The following RTN4 variants were observed in gnomAD, a reference collection of about 807,000 sequenced individuals.
RTN4 encodes the protein reticulon 4, also known as reticulon-4.
Under a neutral mutation model 90.4 loss-of-function variants are expected in RTN4, and 32 were observed. That is an observed-to-expected ratio of 0.35 (90% CI 0.27 to 0.48). The LOEUF (loss-of-function observed/expected upper bound fraction) is 0.48, where lower values mean the gene tolerates loss of function less well. Among genes scored for constraint, RTN4 ranks in the 20% least tolerant of loss-of-function variants. The probability of loss-of-function intolerance (pLI) is 0.99; values close to 1 mark genes in which losing one functional copy is unlikely to be tolerated. For missense variants in RTN4, 1,706 were observed against 1,430.2 expected (o/e 1.19, Z -3.11); for synonymous variants, 629 against 552.5 (o/e 1.14, Z -1.94).
Position 55,050,276 on chromosome 2 carries a change from GAGGA to G in RTN4, c.21_24del (p.Pro8TrpfsTer20). On this transcript the variant is annotated frameshift_variant, in exon 1 of 9. Transcript: ENST00000337526. LOFTEE classifies it high-confidence loss of function. The surrounding 1 kb of genome is among the most constrained non-coding windows in gnomAD (Gnocchi z 4.6). The stretch of plus-strand genomic sequence containing the variant: ...GGTGGGCTGTCCGAGGACGAGACCA[GAGGA>G]GACTGGTCCAGGTCTTCCATGGCTG... The G allele has an allele frequency of 6.7e-7, 1 of 1,487,532 alleles. No individual in the cohort carries two copies. Among genetic ancestry groups the G allele is most frequent in the Non-Finnish European group, 8.9e-7 (1 of 1,118,862 alleles). 92.1% of individuals were successfully genotyped at this position (1,487,532 alleles called of 1,614,324 possible).
At chr2:55,120,722 CG>C in the RTN4 span, among the ~76,000 whole-genome samples, 3 of 152,096 alleles carry the variant, frequency 2.0e-5, no homozygotes, top group African/African-American at 7.2e-5. Flanking sequence ...ATTAGAGCAA[CG>C]GGGAAGGAGA....
chr2:55,081,093 G>T (rs1253028885), intron 1 of RTN4, among the ~76,000 whole-genome samples: 2 of 147,612 alleles, frequency 1.4e-5, no homozygotes, highest in East Asian at 2.0e-4. Flanking sequence ...TTCTTATTTT[G>T]AAACAGGAGC....
At chr2:55,009,194 C>A in intron 3 of RTN4, among the ~76,000 whole-genome samples, 1 of 151,924 alleles carries the variant, frequency 6.6e-6, no homozygotes, top group African/African-American at 2.4e-5. Context: ...AATTATAAAA[C>A]TTGAATGTAG....
At chr2:55,049,459 C>A in intron 1 of RTN4, 1 of 472,234 alleles carries the variant, frequency 2.1e-6, no homozygotes, top group Non-Finnish European at 3.9e-6. Flanking sequence ...GGGTGCCTAA[C>A]TTCCGAGAAT....
At chr2:55,029,124 T>A (rs988099252) in intron 1 of RTN4, among the ~76,000 whole-genome samples, 1 of 152,138 alleles carries the variant, frequency 6.6e-6, no homozygotes, top group African/African-American at 2.4e-5. Context: ...CTTGCTGTCA[T>A]GCTCCCTGTC....
intron 2 of RTN4, among the ~76,000 whole-genome samples, chr2:55,072,144 T>C (rs1035821149): frequency 1.8e-4 from 14 of 77,508 alleles, no homozygotes; most frequent in African/African-American, 5.9e-4. Flanking sequence ...GGATTGTTTT[T>C]AGTTATTTTT....
chr2:55,021,721 A>G (rs10181115), intron 3 of RTN4, among the ~76,000 whole-genome samples: 17,887 of 152,184 alleles, frequency 0.12, 1,570 homozygotes, highest in African/African-American at 0.24. Flanking sequence ...CTTTTATAGA[A>G]AAGGAAAATG....
Position 55,025,199 on chromosome 2 carries a change from A to G in RTN4, c.2900T>C (p.Ile967Thr), listed in dbSNP as rs773597274. The change falls in exon 3 of 9, where the codon ATA (isoleucine) becomes ACA (threonine). Residue 967 changes from isoleucine to threonine, a missense_variant. Transcript: ENST00000337526. ...TTTCACAAGAACTTTGGGTTTAACT[A>G]TGCTCTCTATCTCTGCTTGAGTGGC... is the stretch of plus-strand genomic sequence containing the variant. ...ALATQAEIES[I>T]VKPKVLVKEA... 3 of 1,613,732 alleles carry G rather than the reference A, an allele frequency of 1.9e-6. No individual in the cohort carries two copies. Among genetic ancestry groups the G allele is most frequent in the African/African-American group, 2.7e-5 (2 of 74,900 alleles).
At chr2:55,114,101 G>A (rs916275703), upstream of RTN4, among the ~76,000 whole-genome samples, 12 of 152,160 alleles carry the variant, frequency 7.9e-5, no homozygotes, top group African/African-American at 2.9e-4. Flanking sequence ...CAATTTATCG[G>A]AAAATATAGC....
chr2:55,076,389 C>CTT lies in RTN4; in HGVS notation c.-63+4098_-63+4099dup, dbSNP rs58070912. Among the ~76,000 whole-genome samples, 11 of 64,648 alleles carry CTT rather than the reference C, an allele frequency of 1.7e-4. 1 individual carries two copies. The highest frequency in any genetic ancestry group is 8.2e-4 in the South Asian group (1 of 1,226). 42.4% of individuals were successfully genotyped at this position (64,648 alleles called of 152,430 possible). A position where few individuals can be genotyped will look rare whatever the true frequency, so the allele number is the denominator to read the frequency against. ...TGTCCCCACCCAAATTTCTTTTGTT[C>CTT]TTTTTTTTTTTTTTTTTTTTTTTTT... On this transcript the variant is annotated intron_variant, in intron 2 of 3. Transcript: ENST00000427710.
chr2:55,079,040 G>T (rs1171010520), intron 2 of RTN4, among the ~76,000 whole-genome samples: 1 of 152,048 alleles, frequency 6.6e-6, no homozygotes, highest in Non-Finnish European at 1.5e-5. Context: ...GGCCAGGAAG[G>T]CCTGCATTAA....
At chr2:55,107,165 C>T (rs1667957838) in intron 1 of RTN4, among the ~76,000 whole-genome samples, 1 of 151,200 alleles carries the variant, frequency 6.6e-6, no homozygotes, top group Admixed American at 6.6e-5. Flanking sequence ...CCCAGATTCT[C>T]AGATGTTTGT....
chr2:55,019,695 T>C (rs1019932840), intron 3 of RTN4, among the ~76,000 whole-genome samples: 1 of 151,956 alleles, frequency 6.6e-6, no homozygotes, highest in African/African-American at 2.4e-5. Flanking sequence ...AACAAATAAA[T>C]AAAGACTGAA....
chr2:55,016,346 G>A (rs1031007572), intron 3 of RTN4, among the ~76,000 whole-genome samples: 5 of 152,176 alleles, frequency 3.3e-5, no homozygotes. Flanking sequence ...ACTTTGGGAG[G>A]CCAAGGTGGG....
chr2:55,051,102 T>C (rs1208579406), upstream of RTN4, among the ~76,000 whole-genome samples: 1 of 152,186 alleles, frequency 6.6e-6, no homozygotes, highest in Non-Finnish European at 1.5e-5. Flanking sequence ...AAAAAATTGT[T>C]TTTTGACAGT....
chr2:54,996,842 C>T (rs1173178029), intron 3 of RTN4, among the ~76,000 whole-genome samples: 2 of 152,142 alleles, frequency 1.3e-5, no homozygotes, highest in African/African-American at 4.8e-5. Flanking sequence ...GCAGCCTCAG[C>T]TTCCTGGGCT....
chr2:54,974,084 T>TGG, intron 6 of RTN4: 1 of 481,164 alleles, frequency 2.1e-6, no homozygotes, highest in Non-Finnish European at 3.7e-6. Context: ...CTAGGAACCA[T>TGG]TTCTAGCTTC....
chr2:54,988,107 A>G (rs1678714822), intron 3 of RTN4, among the ~76,000 whole-genome samples: 1 of 152,230 alleles, frequency 6.6e-6, no homozygotes, highest in Admixed American at 6.5e-5. Context: ...ACCTGAGGTC[A>G]GGCATTCCAC....
chr2:54,983,482 C>CT (rs1481549373), intron 4 of RTN4, among the ~76,000 whole-genome samples: 2 of 152,270 alleles, frequency 1.3e-5, no homozygotes, highest in African/African-American at 4.8e-5. Context: ...TCCCTCGTAT[C>CT]TGTTGGAAGT....
Sources: allele counts gnomAD v4.1 joint callset (sites outside exome capture counted in the v4.1 genomes callset), GRCh38; gene constraint gnomAD v4.1.1; non-coding constraint Gnocchi (gnomAD v3.1); transcripts MANE v1.5; gene names NCBI Gene and HGNC (gene_info 2026-07-23, HGNC 2026-07-21).